Variants in SLC7A6 observed in about 807,000 individuals in gnomAD.
The protein encoded by SLC7A6 is Y+L amino acid transporter 2.
A neutral mutation model predicts 46.6 loss-of-function variants in SLC7A6; 29 were observed. The observed-to-expected ratio is 0.62, with a 90% CI of 0.46 to 0.85. The LOEUF is 0.85. Ranked by LOEUF, SLC7A6 falls within the 40% of genes least tolerant of loss-of-function variation. The pLI is 0.00. For synonymous variants in SLC7A6, 276 were observed against 257.3 expected, an observed-to-expected ratio of 1.07 and a Z score of -0.70; for missense variants, 527 against 647.6, an observed-to-expected ratio of 0.81 and a Z score of 2.02.
intron 7 of SLC7A6, chr16:68,292,091 A>T (rs1042140458): frequency 6.2e-6 from 1 of 161,132 alleles, no homozygotes; most frequent in Non-Finnish European, 1.4e-5. Flanking sequence ...TTGGGCAGGG[A>T]CCAGATTCTA....
intron 5 of SLC7A6, 142 bp downstream of exon 5, chr16:68,290,682 C>A: frequency 9.8e-7 from 1 of 1,015,758 alleles, no homozygotes; most frequent in Non-Finnish European, 1.5e-6. Flanking sequence ...CTAGGAGGGG[C>A]TGAGGGCTAG....
chr16:68,274,800 A>G lies in SLC7A6; in HGVS notation c.74A>G (p.Glu25Gly). ...CCTAACACCAGCCAGTCCCAGGTGG[A>G]AGAAGATGTCAGCTCGCCACCTCAA... ...LVPNTSQSQVEEDVSSPPQRS... is the reference protein window; with the variant it reads ...LVPNTSQSQVGEDVSSPPQRS... Residue 25 changes from glutamate (E) to glycine (G), a missense_variant, in exon 3 of 11, where the codon GAA becomes GGA. Physicochemically the swap from Glu to Gly is moderately conservative, Grantham distance 98. Transcript: ENST00000219343. 6 of 1,611,890 alleles carry G rather than the reference A, an allele frequency of 3.7e-6. No individual in the cohort carries two copies. Among genetic ancestry groups the G allele is most frequent in the Non-Finnish European group, 5.1e-6 (6 of 1,178,854 alleles).
At chr16:68,290,951 AG>A in intron 5 of SLC7A6, 1 of 511,940 alleles carries the variant, frequency 2.0e-6, no homozygotes, top group Non-Finnish European at 3.5e-6. Flanking sequence ...TCACAGATGC[AG>A]GAGGATTATG....
intron 4 of SLC7A6, among the ~76,000 whole-genome samples, chr16:68,288,902 T>G (rs1425734599): frequency 7.6e-6 from 1 of 131,796 alleles, no homozygotes; most frequent in East Asian, 2.2e-4. Flanking sequence ...AGGCGGAAGT[T>G]GCAGTAAGCC....
intron 3 of SLC7A6, among the ~76,000 whole-genome samples, chr16:68,287,013 C>T (rs575014570): frequency 5.0e-5 from 7 of 139,142 alleles, no homozygotes; most frequent in South Asian, 4.8e-4. Flanking sequence ...TTTTTTGAGA[C>T]GAGGTCTTAC....
intron 2 of SLC7A6, among the ~76,000 whole-genome samples, chr16:68,267,376 G>C (rs987329583): frequency 2.7e-5 from 4 of 150,914 alleles, no homozygotes; most frequent in African/African-American, 9.8e-5. Flanking sequence ...ACCATGCCCG[G>C]ACAATTTTTT....
At chr16:68,301,819 CCTT>C (rs1443714103), downstream of SLC7A6, 5 of 159,514 alleles carry the variant, frequency 3.1e-5, no homozygotes, top group South Asian at 1.9e-4. Flanking sequence ...TTTTGTTGGG[CCTT>C]CTTCTCTCTT....
intron 7 of SLC7A6, 54 bp from the exon 8 acceptor site, chr16:68,294,651 A>T: frequency 7.8e-7 from 1 of 1,281,614 alleles, no homozygotes; most frequent in Non-Finnish European, 1.1e-6. Context: ...AGGAGTGAGT[A>T]TGGCTGAGTA....
At chr16:68,287,217 A>C (rs2042953985) in intron 3 of SLC7A6, 1 of 787,382 alleles carries the variant, frequency 1.3e-6, no homozygotes, top group African/African-American at 1.8e-5. Context: ...GGCTCACATG[A>C]TCCATCTGCC....
In SLC7A6 at chr16:68,296,523, T is replaced by C. The variant is rs754006131; in HGVS notation, c.1269+10T>C. 1.9e-6 allele frequency: 3 copies of C among 1,614,182 alleles called. No homozygotes were observed. On this transcript the variant is annotated intron_variant, in intron 9 of 10. Coordinates refer to ENST00000219343, the MANE Select transcript of SLC7A6 (RefSeq NM_003983.6). The stretch of plus-strand genomic sequence containing the variant: ...GCCCCGGCCTCTCAAGGTCAGCAGC[T>C]CTGGCCAGACTAGGAGGGGTGGGCC...
intron 4 of SLC7A6, among the ~76,000 whole-genome samples, chr16:68,289,565 CAT>C (rs1243904938): frequency 6.6e-6 from 1 of 152,152 alleles, no homozygotes; most frequent in Non-Finnish European, 1.5e-5. Context: ...CTTTTTACCA[CAT>C]GAGAGCTGGG....
intron 3 of SLC7A6, among the ~76,000 whole-genome samples, chr16:68,280,926 G>A (rs1264208215): frequency 6.6e-6 from 1 of 152,174 alleles, no homozygotes; most frequent in Non-Finnish European, 1.5e-5. Flanking sequence ...GTGGAGATGG[G>A]GTTTCACCAT....
In SLC7A6 at chr16:68,296,805, T is replaced by C. The variant is rs745413753; in HGVS notation, c.1448T>C (p.Val483Ala). 22 of 1,614,014 alleles carry C rather than the reference T, an allele frequency of 1.4e-5. No homozygotes were observed. The highest frequency in any genetic ancestry group is 1.7e-5 in the Non-Finnish European group (20 of 1,180,012). The change falls in exon 10 of 11, where the codon GTC (valine) becomes GCC (alanine). Residue 483 changes from valine (V) to alanine (A), a missense_variant. Transcript: ENST00000219343. ...CGGAGGCCATTGTTTATTCGGAATG[T>C]CCTGGGTGAGCTTCTCTGTGCCCCA... ...ESRRPLFIRN[V>A]LAAITRGTQQ...
intron 7 of SLC7A6, 151 bp from the exon 8 acceptor site, chr16:68,294,554 G>C: frequency 1.6e-6 from 1 of 637,616 alleles, no homozygotes. Flanking sequence ...AGGGAGGTTG[G>C]ACTGGTGATG....
chr16:68,282,960 C>T (rs1295119390), intron 3 of SLC7A6, among the ~76,000 whole-genome samples: 1 of 152,156 alleles, frequency 6.6e-6, no homozygotes, highest in Non-Finnish European at 1.5e-5. Flanking sequence ...TACGGTTGCA[C>T]TCCTTTGTCC....
intron 2 of SLC7A6, among the ~76,000 whole-genome samples, chr16:68,269,658 G>A (rs950116495): frequency 6.6e-6 from 1 of 151,966 alleles, no homozygotes; most frequent in Admixed American, 6.6e-5. Flanking sequence ...GGAGGCTGAG[G>A]CAGGAGAATC....
chr16:68,278,560 T>G (rs1203585116), intron 3 of SLC7A6, among the ~76,000 whole-genome samples: 1 of 151,374 alleles, frequency 6.6e-6, no homozygotes, highest in Non-Finnish European at 1.5e-5. Context: ...AAAGCACATC[T>G]TGCACTGCCC....
intron 3 of SLC7A6, among the ~76,000 whole-genome samples, chr16:68,277,484 TG>T (rs2042734312): frequency 6.6e-6 from 1 of 151,794 alleles, no homozygotes; most frequent in South Asian, 2.1e-4. Flanking sequence ...GCTAATTTTT[TG>T]TATTTTTAGT....
chr16:68,271,486 G>GT (rs2042622840), intron 2 of SLC7A6, among the ~76,000 whole-genome samples: 1 of 151,656 alleles, frequency 6.6e-6, no homozygotes, highest in African/African-American at 2.4e-5. Flanking sequence ...AACTTTTGTA[G>GT]TTTTTTGGTG....
Sources: gnomAD v4.1 joint callset for allele counts (sites outside exome capture counted in the v4.1 genomes callset) on GRCh38, gnomAD v4.1.1 for gene constraint, MANE v1.5 for transcripts, NCBI Gene and HGNC (gene_info 2026-07-23, HGNC 2026-07-21) for gene names.